The following ZNF804B variants were observed in gnomAD, a reference collection of about 807,000 sequenced individuals.
ZNF804B encodes zinc finger protein 804B.
In ZNF804B, 80 loss-of-function variants were observed where a neutral mutation model predicts 101.4. The observed-to-expected ratio is 0.79, with a 90% confidence interval of 0.66 to 0.95. The LOEUF is 0.95. ZNF804B is among the 40% of genes least tolerant of loss of function. ZNF804B has a pLI of 0.00. For missense variants in ZNF804B, 1,673 were observed against 1,561.9 expected (o/e 1.07, Z -1.20); for synonymous variants, 622 against 558.8 (o/e 1.11, Z -1.59).
At chr7:88,828,781 T>A (rs572204785) in intron 1 of ZNF804B, among the ~76,000 whole-genome samples, 1 of 152,258 alleles carries the variant, frequency 6.6e-6, no homozygotes, top group East Asian at 1.9e-4. Context: ...CATTCTGACA[T>A]TTGCTTTGAA....
chr7:88,765,576 C>T (rs1409752921), intron 1 of ZNF804B, among the ~76,000 whole-genome samples: 1 of 151,892 alleles, frequency 6.6e-6, no homozygotes, highest in Non-Finnish European at 1.5e-5. Flanking sequence ...TTTCAAGATA[C>T]ACATTGTCAT....
intron 1 of ZNF804B, among the ~76,000 whole-genome samples, chr7:89,157,158 C>T (rs1285768000): frequency 6.6e-6 from 1 of 152,190 alleles, no homozygotes; most frequent in Non-Finnish European, 1.5e-5. Context: ...CCTAGGGTAG[C>T]TTCCTGTGAA....
intron 2 of ZNF804B, among the ~76,000 whole-genome samples, chr7:89,233,324 G>A (rs906616015): frequency 2.6e-5 from 4 of 152,104 alleles, no homozygotes; most frequent in African/African-American, 9.7e-5. Flanking sequence ...AATTCTATGG[G>A]GAACCAATAA....
chr7:89,136,767 G>A (rs1029579856), intron 1 of ZNF804B, among the ~76,000 whole-genome samples: 19 of 148,720 alleles, frequency 1.3e-4, no homozygotes, highest in African/African-American at 2.4e-4. Context: ...GTGTGTGTGC[G>A]CGCACGTGTG....
chr7:88,863,679 GGA>G (rs1277032819), intron 1 of ZNF804B, among the ~76,000 whole-genome samples: 1 of 152,178 alleles, frequency 6.6e-6, no homozygotes, highest in Non-Finnish European at 1.5e-5. Flanking sequence ...TATTTAGAGT[GGA>G]TATCAAGTAA....
At position 89,132,325 on chromosome 7, in the gene ZNF804B, CA is replaced by C. The variant is rs1471400215; in HGVS notation, c.109-85826del. 1.4e-4 allele frequency among the ~76,000 whole-genome samples: 21 copies of C among 151,884 alleles called. No homozygotes were observed. The East Asian group carries it at 4.1e-3, about 29-fold the overall frequency. On this transcript the variant is annotated intron_variant, in intron 1 of 3. Coordinates refer to ENST00000333190, the MANE Select transcript of ZNF804B (RefSeq NM_181646.5). ...GGAATTTTCTGAAAACAAAACAAAA[CA>C]AAACAAAGACGCTATCTTGAAGTGT...
intron 1 of ZNF804B, among the ~76,000 whole-genome samples, chr7:89,190,495 C>T (rs1399337939): frequency 6.6e-6 from 1 of 152,080 alleles, no homozygotes; most frequent in African/African-American, 2.4e-5. Flanking sequence ...GAATCTACTT[C>T]TGGTGAAGGT....
chr7:89,325,508 C>G (rs1790883975), intron 2 of ZNF804B, among the ~76,000 whole-genome samples: 1 of 151,892 alleles, frequency 6.6e-6, no homozygotes, highest in East Asian at 1.9e-4. Context: ...TAAGGATTAA[C>G]ATAGTAGCAA....
At chr7:89,011,904 G>A (rs1158648591) in intron 1 of ZNF804B, among the ~76,000 whole-genome samples, 1 of 152,162 alleles carries the variant, frequency 6.6e-6, no homozygotes, top group East Asian at 1.9e-4. Flanking sequence ...TAGTGCTCCA[G>A]TGGGGACACT....
chr7:89,210,906 T>C lies in ZNF804B; in HGVS notation c.109-7249T>C, dbSNP rs546012600. ...AATGGTATTTCTAGTTCTAGATCTT[T>C]GATGAATTACTACACTGTTTTCCAC... On this transcript the variant is annotated intron_variant, in intron 1 of 3. Transcript: ENST00000333190. Among the ~76,000 whole-genome samples, 264 of 152,246 alleles carry C rather than the reference T, an allele frequency of 1.7e-3. 12 individuals are homozygous for C. The highest frequency in any genetic ancestry group is 2.1e-3 in the Non-Finnish European group (141 of 68,044).
At chr7:89,235,821 A>G (rs966582785) in intron 2 of ZNF804B, among the ~76,000 whole-genome samples, 8 of 152,100 alleles carry the variant, frequency 5.3e-5, no homozygotes, top group African/African-American at 1.9e-4. Flanking sequence ...TCTTATTTGA[A>G]TGCTTCCCAC....
chr7:88,998,736 G>A (rs960785308), intron 1 of ZNF804B, among the ~76,000 whole-genome samples: 1 of 151,952 alleles, frequency 6.6e-6, no homozygotes, highest in African/African-American at 2.4e-5. Flanking sequence ...AACTGGGGAT[G>A]GAGTAGGGAT....
At chr7:88,857,142 G>A (rs535513563) in intron 1 of ZNF804B, among the ~76,000 whole-genome samples, 6 of 152,052 alleles carry the variant, frequency 3.9e-5, no homozygotes, top group African/African-American at 1.4e-4. Flanking sequence ...GGCACTAAAT[G>A]CCCACAAGAG....
chr7:89,160,598 A>G (rs1791044209), intron 1 of ZNF804B, among the ~76,000 whole-genome samples: 1 of 152,184 alleles, frequency 6.6e-6, no homozygotes, highest in Non-Finnish European at 1.5e-5. Context: ...AAAAAGCTCT[A>G]CCATATTTCA....
chr7:89,122,451 A>G (rs1010770439), intron 1 of ZNF804B, among the ~76,000 whole-genome samples: 1 of 152,202 alleles, frequency 6.6e-6, no homozygotes, highest in African/African-American at 2.4e-5. Context: ...TAGAATTACC[A>G]GTGGGAGAAG....
chr7:89,319,871 G>T (rs951247725), intron 2 of ZNF804B, among the ~76,000 whole-genome samples: 1 of 152,116 alleles, frequency 6.6e-6, no homozygotes, highest in African/African-American at 2.4e-5. Context: ...GTACTTGAGG[G>T]CTCACAGAAA....
At chr7:89,131,311 A>G (rs1372865852) in intron 1 of ZNF804B, among the ~76,000 whole-genome samples, 1 of 152,084 alleles carries the variant, frequency 6.6e-6, no homozygotes, top group Non-Finnish European at 1.5e-5. Flanking sequence ...AATTTATTTG[A>G]AAACCAGAAA....
At chr7:88,911,279 T>A (rs977718594) in intron 1 of ZNF804B, among the ~76,000 whole-genome samples, 4 of 151,852 alleles carry the variant, frequency 2.6e-5, no homozygotes, top group Non-Finnish European at 4.4e-5. Flanking sequence ...GATGCTTTTT[T>A]TAATGACATT....
chr7:88,790,347 G>A (rs1790362968), intron 1 of ZNF804B, among the ~76,000 whole-genome samples: 1 of 151,986 alleles, frequency 6.6e-6, no homozygotes, highest in South Asian at 2.1e-4. Context: ...TGCCATGGTG[G>A]TTTGCTGCAC....
Sources: allele counts gnomAD v4.1 joint callset (sites outside exome capture counted in the v4.1 genomes callset), GRCh38; gene constraint gnomAD v4.1.1; transcripts MANE v1.5; gene names NCBI Gene and HGNC (gene_info 2026-07-23, HGNC 2026-07-21).